EIF5A2: variants seen among roughly 807,000 people sequenced by gnomAD.
The protein encoded by EIF5A2 is eukaryotic translation initiation factor 5A2, also known as eukaryotic translation initiation factor 5A-2.
In EIF5A2, 15 loss-of-function variants were observed where a neutral mutation model predicts 16.4. The observed-to-expected ratio is 0.92, with a 90% CI of 0.61 to 1.41. The LOEUF (loss-of-function observed/expected upper bound fraction) is 1.41, where lower values mean the gene tolerates loss of function less well. Ranked by LOEUF, EIF5A2 falls within the 40% of genes most tolerant of loss-of-function variation. The probability of loss-of-function intolerance (pLI) is 0.00; values close to 1 mark genes in which losing one functional copy is unlikely to be tolerated. For synonymous variants in EIF5A2, 48 were observed against 61.1 expected, an observed-to-expected ratio of 0.79 and a Z score of 1.00; for missense variants, 144 against 189.5, an observed-to-expected ratio of 0.76 and a Z score of 1.41.
At chr3:170,895,056 A>T (rs7646232) in intron 3 of EIF5A2, among the ~76,000 whole-genome samples, 3 of 148,044 alleles carry the variant, frequency 2.0e-5, no homozygotes, top group Admixed American at 6.9e-5. Flanking sequence ...AAGAGATATT[A>T]TAAGTACTTT....
rs1712775820 is a variant in EIF5A2 at position 170,900,209 on chromosome 3, A to G, written c.271-5786T>C. On this transcript the variant is annotated intron_variant, in intron 3 of 4. Coordinates refer to ENST00000295822, the MANE Select transcript of EIF5A2 (RefSeq NM_020390.6). ...AATATGGCAAAACCTCGTCTCTACT[A>G]AAAATACAAAAATTAGCCAGATGTG... 3.3e-5 allele frequency among the ~76,000 whole-genome samples: 5 copies of G among 151,978 alleles called. No individual in the cohort carries two copies. The South Asian group carries it at 1.0e-3, about 32-fold the overall frequency.
At position 170,892,862 on chromosome 3, in the gene EIF5A2, T is replaced by C; in HGVS notation, c.*498A>G. 1 of 399,044 alleles carries C rather than the reference T, an allele frequency of 2.5e-6. No homozygotes were observed. The allele number at this position is 399,044 out of a possible 1,614,324, so 24.7% of individuals were successfully genotyped here. On this transcript the variant is annotated 3_prime_UTR_variant, in exon 5 of 5. Transcript: ENST00000295822. ...CACCAAAATAACTGACAGTTTTTGA[T>C]AACATGATTTTTGTTTAAGGATTTG...
At chr3:170,897,235 G>A (rs1712696856) in intron 3 of EIF5A2, among the ~76,000 whole-genome samples, 1 of 152,230 alleles carries the variant, frequency 6.6e-6, no homozygotes, top group African/African-American at 2.4e-5. Flanking sequence ...TGACCATGTA[G>A]TAGAAAAGAA....
chr3:170,904,506 G>C (rs1473717787), intron 3 of EIF5A2, among the ~76,000 whole-genome samples: 4 of 152,052 alleles, frequency 2.6e-5, no homozygotes, highest in Non-Finnish European at 5.9e-5. Flanking sequence ...CAGAACTTTT[G>C]TTTTTGAGAC....
At chr3:170,894,212 T>G in intron 4 of EIF5A2, 80 bp downstream of exon 4, 1 of 1,445,892 alleles carries the variant, frequency 6.9e-7, no homozygotes, top group Non-Finnish European at 9.5e-7. Flanking sequence ...ACATTCCATA[T>G]GTAGTATTTT....
rs59716798 is a variant in EIF5A2 at position 170,897,818 on chromosome 3, G to T, written c.271-3395C>A. ...TGAGAAGGGGGGTCACCATCTTCTA[G>T]ATTCCAGAATGGTGTACCATGTGCC... On this transcript the variant is annotated intron_variant, in intron 3 of 4. Transcript: ENST00000295822. Among the ~76,000 whole-genome samples, 354 of 152,272 alleles carry T rather than the reference G, an allele frequency of 2.3e-3. 1 individual carries two copies. Among genetic ancestry groups the T allele is most frequent in the African/African-American group, 8.3e-3 (343 of 41,544 alleles).
chr3:170,903,333 C>T (rs1274539442), intron 3 of EIF5A2, among the ~76,000 whole-genome samples: 3 of 152,192 alleles, frequency 2.0e-5, no homozygotes, highest in East Asian at 1.9e-4. Context: ...CGCTGGCTCA[C>T]GTACCCTATC....
At chr3:170,900,933 T>C (rs1465486546) in intron 3 of EIF5A2, among the ~76,000 whole-genome samples, 1 of 152,216 alleles carries the variant, frequency 6.6e-6, no homozygotes, top group African/African-American at 2.4e-5. Context: ...TATTCACATA[T>C]CTGATAATAT....
intron 3 of EIF5A2, among the ~76,000 whole-genome samples, chr3:170,900,366 CAAA>C (rs1168908597): frequency 0.057 from 3,664 of 63,890 alleles, 98 homozygotes; most frequent in African/African-American, 0.19. Flanking sequence ...GACTCCATCT[CAAA>C]AAAAAAAAAA....
intron 3 of EIF5A2, among the ~76,000 whole-genome samples, chr3:170,904,011 T>C (rs912143447): frequency 6.6e-6 from 1 of 152,238 alleles, no homozygotes; most frequent in Admixed American, 6.5e-5. Context: ...GTGAAGTTCA[T>C]ATCAACACAG....
Position 170,894,278 on chromosome 3 carries a change from C to A in EIF5A2, c.402+14G>T, listed in dbSNP as rs751322296. 13 of 1,610,538 alleles carry A rather than the reference C, an allele frequency of 8.1e-6. No homozygotes were observed. The Admixed American group carries it at 1.5e-4, about 19-fold the overall frequency. On this transcript the variant is annotated intron_variant, in intron 4 of 4. Transcript: ENST00000295822. ...AAAATGGTTTTCAAAAATAATCCTT[C>A]TCTAAGTCTTTACCTGTACATCTTC...
rs905269846 is a variant in EIF5A2, at chr3:170,892,057, A to T, written c.*1303T>A. ...GGAAAAAAAGGACATAAAATTAACA[A>T]AAATTCCAAATCAATTTAAGGAATT... is the stretch of plus-strand genomic sequence containing the variant. On this transcript the variant is annotated 3_prime_UTR_variant, in exon 5 of 5. Coordinates refer to ENST00000295822, the MANE Select transcript of EIF5A2 (RefSeq NM_020390.6). 4 of 152,654 alleles carry T rather than the reference A, an allele frequency of 2.6e-5. No homozygotes were observed. Among genetic ancestry groups the T allele is most frequent in the Non-Finnish European group, 5.9e-5 (4 of 68,040 alleles). 9.5% of individuals were successfully genotyped at this position (152,654 alleles called of 1,614,324 possible).
intron 3 of EIF5A2, among the ~76,000 whole-genome samples, chr3:170,899,901 A>G (rs191341128): frequency 2.8e-4 from 43 of 151,512 alleles, no homozygotes; most frequent in African/African-American, 9.2e-4. Flanking sequence ...AAACAAACCT[A>G]CTGATTTGAT....
chr3:170,908,016 A>G (rs779473246), intron 1 of EIF5A2, among the ~76,000 whole-genome samples, 175 bp from the exon 2 acceptor site: 13 of 152,018 alleles, frequency 8.6e-5, no homozygotes, highest in Non-Finnish European at 1.3e-4. Context: ...TTTTCCAGCT[A>G]CTGCTTGGGG....
rs1712467960 is a variant in EIF5A2, at chr3:170,889,239, G to A, written c.*4121C>T. The A allele has an allele frequency of 6.6e-6, 1 of 152,282 alleles. No individual in the cohort carries two copies. The highest frequency in any genetic ancestry group is 2.1e-4 in the South Asian group (1 of 4,822). 9.4% of individuals were successfully genotyped at this position (152,282 alleles called of 1,614,324 possible). On this transcript the variant is annotated 3_prime_UTR_variant, in exon 5 of 5. Coordinates refer to ENST00000295822, the MANE Select transcript of EIF5A2 (RefSeq NM_020390.6). ...TGTATACAGTACTTTTCAGGCACTT[G>A]ACCTCACTTGGTAGCTAAGTTGGTG...
intron 3 of EIF5A2, among the ~76,000 whole-genome samples, chr3:170,903,709 T>C (rs1712865930): frequency 1.3e-5 from 2 of 152,170 alleles, no homozygotes; most frequent in African/African-American, 4.8e-5. Context: ...AATGAACATA[T>C]CTAAACATTC....
Position 170,908,621 on chromosome 3 carries a change from G to T in EIF5A2, c.-114C>A, listed in dbSNP as rs912757396. ...AGCAGCGGCGCCGGCAGCGGCGGTG[G>T]CGGCCGCGGCAGTTCCAAGAGACGG... On this transcript the variant is annotated 5_prime_UTR_variant, in exon 1 of 5. Transcript: ENST00000295822. The T allele has an allele frequency of 1.3e-5, 2 of 152,888 alleles. No homozygotes were observed. The highest frequency in any genetic ancestry group is 2.9e-5 in the Non-Finnish European group (2 of 68,594). The allele number at this position is 152,888 out of a possible 1,614,324, so 9.5% of individuals were successfully genotyped here.
chr3:170,891,022 C>G lies in EIF5A2; in HGVS notation c.*2338G>C, dbSNP rs146385926. 378 of 152,472 alleles carry G rather than the reference C, an allele frequency of 2.5e-3. 3 individuals are homozygous for G. Among genetic ancestry groups the G allele is most frequent in the African/African-American group, 8.6e-3 (358 of 41,468 alleles). 9.4% of individuals were successfully genotyped at this position (152,472 alleles called of 1,614,324 possible). ...AATGAAAATATTTATGCATAAATAG[C>G]GTTTGCCATTCAAAGTATGAAGATA... On this transcript the variant is annotated 3_prime_UTR_variant, in exon 5 of 5. Coordinates refer to ENST00000295822, the MANE Select transcript of EIF5A2 (RefSeq NM_020390.6).
At chr3:170,904,575 C>G (rs544672612) in intron 3 of EIF5A2, among the ~76,000 whole-genome samples, 1 of 152,214 alleles carries the variant, frequency 6.6e-6, no homozygotes, top group East Asian at 1.9e-4. Context: ...CTTAGTGCAG[C>G]CTTGACCTCC....
Sources: allele counts gnomAD v4.1 joint callset (sites outside exome capture counted in the v4.1 genomes callset), GRCh38; gene constraint gnomAD v4.1.1; transcripts MANE v1.5; gene names NCBI Gene and HGNC (gene_info 2026-07-23, HGNC 2026-07-21).